WDR76: variants seen among roughly 807,000 people sequenced by gnomAD.
WDR76 encodes the protein WD repeat-containing protein 76.
WDR76 carries 52 observed loss-of-function variants against 70.2 expected under a neutral mutation model. The observed-to-expected ratio is 0.74, with a 90% CI of 0.59 to 0.93. WDR76 has a LOEUF of 0.93. Ranked by LOEUF, WDR76 falls within the 40% of genes least tolerant of loss-of-function variation. The pLI is 0.00. For synonymous variants in WDR76, 292 were observed against 271.1 expected, an observed-to-expected ratio of 1.08 and a Z score of -0.76; for missense variants, 756 against 760.2, an observed-to-expected ratio of 0.99 and a Z score of 0.07.
intron 9 of WDR76, 116 bp from the exon 10 acceptor site, chr15:43,856,830 G>C: frequency 1.2e-6 from 1 of 839,856 alleles, no homozygotes; most frequent in Middle Eastern, 3.2e-4. Context: ...GATGATGAGA[G>C]GATAAATGAG....
At chr15:43,849,114 G>A (rs543801540) in intron 8 of WDR76, among the ~76,000 whole-genome samples, 72 of 150,376 alleles carry the variant, frequency 4.8e-4, no homozygotes, top group Non-Finnish European at 8.8e-4. Context: ...GGTGGAGGTT[G>A]CAGTGAGCTG....
At chr15:43,835,282 C>T (rs1240483768) in intron 3 of WDR76, 132 bp downstream of exon 3, 1 of 686,776 alleles carries the variant, frequency 1.5e-6, no homozygotes, top group African/African-American at 1.9e-5. Context: ...GCCTGGGTAA[C>T]ATACGGAGAC....
intron 2 of WDR76, among the ~76,000 whole-genome samples, chr15:43,834,454 C>T (rs1465891933): frequency 3.5e-5 from 5 of 142,430 alleles, no homozygotes; most frequent in African/African-American, 7.6e-5. Context: ...GCTCCTGCCA[C>T]TATACCTGGC....
Position 43,857,092 on chromosome 15 carries a change from T to C in WDR76, c.1338T>C (p.Ser446=), listed in dbSNP as rs769147731. ...PGTSYEKLTS[S]SMGKIRTVHV... is the part of the protein sequence containing the mutation. The stretch of plus-strand genomic sequence containing the variant: ...CTTCTTATGAGAAACTTACCAGTTC[T>C]TCTATGGGAAAAATAAGAACTGTTC... The change falls in exon 10 of 13, where the codon TCT becomes TCC. Residue 446 remains serine (S), a synonymous_variant. Transcript: ENST00000263795. The C allele has an allele frequency of 6.2e-7, 1 of 1,614,112 alleles. No homozygotes were observed. Among genetic ancestry groups the C allele is most frequent in the South Asian group, 1.1e-5 (1 of 91,080 alleles).
At chr15:43,859,027 C>A (rs942880527) in intron 11 of WDR76, among the ~76,000 whole-genome samples, 2 of 152,126 alleles carry the variant, frequency 1.3e-5, no homozygotes, top group South Asian at 4.1e-4. Flanking sequence ...TTCCTTGAGA[C>A]TGGCAAAGGT....
chr15:43,832,743 G>GTTTTTTTTTTTTTTTTT (rs201304087), intron 2 of WDR76, among the ~76,000 whole-genome samples: 1 of 68,114 alleles, frequency 1.5e-5, no homozygotes, highest in African/African-American at 6.2e-5. Flanking sequence ...GGCTTGCTTT[G>GTTTTTTTTTTTTTTTTT]TTTTTTTTTT....
chr15:43,866,225 C>T lies in WDR76; in HGVS notation c.1714C>T (p.Arg572Ter), dbSNP rs1001164340. 5 of 1,614,076 alleles carry T rather than the reference C, an allele frequency of 3.1e-6. No homozygotes were observed. Among genetic ancestry groups the T allele is most frequent in the East Asian group, 2.2e-5 (1 of 44,900 alleles). The change falls in exon 13 of 13, where the codon CGA (arginine) becomes TGA (stop). Residue 572 changes from arginine (R) to a stop codon, truncating the protein, a stop_gained. Coordinates refer to ENST00000263795, the MANE Select transcript of WDR76 (RefSeq NM_024908.4). LOFTEE classifies it high-confidence loss of function. ...CATAGTTGGCAGCATGGCCCATCCA[C>T]GACGGGTAGAAATCTTCCATGAGAC... ...CVIVGSMAHP[R>*]RVEIFHETGK...
chr15:43,863,454 C>T (rs1319649302), intron 12 of WDR76, among the ~76,000 whole-genome samples: 1 of 151,698 alleles, frequency 6.6e-6, no homozygotes, highest in African/African-American at 2.4e-5. Flanking sequence ...TACAATAGAC[C>T]TCTTGAATGT....
In WDR76 at chr15:43,866,268, C is replaced by T. The variant is rs781465373; in HGVS notation, c.1757C>T (p.Ser586Leu). ...IFHETGKRVH[S>L]FGGEYLVSVC... The stretch of plus-strand genomic sequence containing the variant: ...CATGAGACAGGAAAGAGGGTGCATT[C>T]GTTTGGTGGAGAATACCTTGTCTCT... The change falls in exon 13 of 13, where the codon TCG becomes TTG. Residue 586 changes from serine to leucine, a missense_variant. By Grantham distance (145) the Ser-to-Leu change is moderately radical. Transcript: ENST00000263795. 6.2e-6 allele frequency: 10 copies of T among 1,613,934 alleles called. No homozygotes were observed. Among genetic ancestry groups the T allele is most frequent in the Middle Eastern group, 1.6e-4 (1 of 6,084 alleles).
At chr15:43,839,271 C>T (rs919200975) in intron 4 of WDR76, among the ~76,000 whole-genome samples, 3 of 152,032 alleles carry the variant, frequency 2.0e-5, no homozygotes, top group Non-Finnish European at 4.4e-5. Flanking sequence ...TATATGTAAC[C>T]TTTTTGTATA....
intron 8 of WDR76, among the ~76,000 whole-genome samples, chr15:43,844,512 C>G (rs1384100619): frequency 6.6e-6 from 1 of 151,294 alleles, no homozygotes; most frequent in East Asian, 1.9e-4. Context: ...CCCAGCTACT[C>G]AGGAGGCTGA....
chr15:43,860,895 G>A (rs1351985937), intron 11 of WDR76, among the ~76,000 whole-genome samples: 1 of 144,452 alleles, frequency 6.9e-6, no homozygotes, highest in Non-Finnish European at 1.5e-5. Flanking sequence ...AGATTTGTTA[G>A]CGCCTGATCT....
chr15:43,860,445 A>T (rs1482462563), intron 11 of WDR76, among the ~76,000 whole-genome samples: 1 of 152,190 alleles, frequency 6.6e-6, no homozygotes, highest in African/African-American at 2.4e-5. Flanking sequence ...TACAGTTCAG[A>T]TGATCGCTTT....
chr15:43,860,199 G>A (rs927169718), intron 11 of WDR76, among the ~76,000 whole-genome samples: 1 of 152,168 alleles, frequency 6.6e-6, no homozygotes, highest in Non-Finnish European at 1.5e-5. Flanking sequence ...GAGCTGTGAC[G>A]GTGCCATTGC....
chr15:43,829,651 C>T (rs1429163295), intron 2 of WDR76, among the ~76,000 whole-genome samples: 2 of 151,714 alleles, frequency 1.3e-5, no homozygotes, highest in Non-Finnish European at 2.9e-5. Context: ...GGATTACAGG[C>T]GCCCGCCACC....
At chr15:43,843,570 T>G (rs2087751815) in intron 7 of WDR76, among the ~76,000 whole-genome samples, 1 of 152,156 alleles carries the variant, frequency 6.6e-6, no homozygotes, top group African/African-American at 2.4e-5. Context: ...TTGTGAACAT[T>G]TTTATGGCTT....
At chr15:43,840,256 T>C (rs1356121550) in intron 5 of WDR76, among the ~76,000 whole-genome samples, 1 of 152,084 alleles carries the variant, frequency 6.6e-6, no homozygotes, top group African/African-American at 2.4e-5. Context: ...GTGGGTGAGT[T>C]AATTAACCTT....
At chr15:43,862,102 C>T (rs183350925) in intron 12 of WDR76, among the ~76,000 whole-genome samples, 30 of 152,086 alleles carry the variant, frequency 2.0e-4, no homozygotes, top group Admixed American at 1.2e-3. Context: ...TCCCAAAGTG[C>T]TGGGATTACA....
Position 43,842,428 on chromosome 15 carries a change from C to T in WDR76, c.746C>T (p.Pro249Leu), listed in dbSNP as rs368023281. ...LVADETPLLP[P>L]GPLEMTSENQ... Reference sequence around the variant, plus strand: ...TTTTTATAACAGCCTTTGTTACCTCCTGGGCCTTTAGAAATGACTTCTGAA... The same window carrying T: ...TTTTTATAACAGCCTTTGTTACCTCTTGGGCCTTTAGAAATGACTTCTGAA... Residue 249 changes from proline to leucine, a missense_variant, in exon 6 of 13, where the codon CCT becomes CTT. Pro to Leu is a moderately conservative substitution (Grantham distance 98, BLOSUM62 -3). Transcript: ENST00000263795. 2.2e-5 allele frequency: 36 copies of T among 1,613,808 alleles called. No homozygotes were observed. Among genetic ancestry groups the T allele is most frequent in the Non-Finnish European group, 2.9e-5 (34 of 1,179,968 alleles).
Sources: gnomAD v4.1 joint callset for allele counts (sites outside exome capture counted in the v4.1 genomes callset) on GRCh38, gnomAD v4.1.1 for gene constraint, MANE v1.5 for transcripts, NCBI Gene and HGNC (gene_info 2026-07-23, HGNC 2026-07-21) for gene names.